The following THOC1 variants were observed in gnomAD, a reference collection of about 807,000 sequenced individuals.
THOC1 encodes the protein THO complex 1.
In THOC1, 29 loss-of-function variants were observed where a neutral mutation model predicts 97.3. The ratio of observed to expected loss-of-function variants is 0.30; its 90% CI spans 0.22 to 0.41. The LOEUF is 0.41. THOC1 is among the 10% of genes least tolerant of loss of function. The pLI is 1.00. For missense variants in THOC1, 529 were observed against 761.9 expected (o/e 0.69, Z 3.60); for synonymous variants, 255 against 257.0 (o/e 0.99, Z 0.07).
At position 224,196 on chromosome 18, in the gene THOC1, A is replaced by G. The variant is rs774799203; in HGVS notation, c.1209-17T>C. On this transcript the variant is annotated splice_polypyrimidine_tract_variant and intron_variant, in intron 15 of 20. Transcript: ENST00000261600. The stretch of plus-strand genomic sequence containing the variant: ...TCTGATGTTCTGTCGTGAACAAAAC[A>G]TACACTATTTTTTGAATTACAAATG... 6.5e-7 allele frequency: 1 copy of G among 1,530,340 alleles called. No homozygotes were observed. The highest frequency in any genetic ancestry group is 1.2e-5 in the South Asian group (1 of 85,340). 94.8% of individuals were successfully genotyped at this position (1,530,340 alleles called of 1,614,324 possible).
chr18:265,296 T>C lies in THOC1; in HGVS notation c.189+7A>G. The C allele has an allele frequency of 6.3e-7, 1 of 1,578,592 alleles. No individual in the cohort carries two copies. The highest frequency in any genetic ancestry group is 1.4e-5 in the African/African-American group (1 of 73,122). On this transcript the variant is annotated splice_region_variant and intron_variant, in intron 3 of 20. Coordinates refer to ENST00000261600, the MANE Select transcript of THOC1 (RefSeq NM_005131.3). Reference sequence around the variant, plus strand: ...GTAAAATTTTAACAATGGAAAAACATACTTACAATTTCTTCTTCTAGAATA... The same window carrying C: ...GTAAAATTTTAACAATGGAAAAACACACTTACAATTTCTTCTTCTAGAATA...
At chr18:223,852 A>C (rs1398713609) in intron 16 of THOC1, among the ~76,000 whole-genome samples, 1 of 152,172 alleles carries the variant, frequency 6.6e-6, no homozygotes, top group Non-Finnish European at 1.5e-5. Flanking sequence ...TCTGAAACGG[A>C]AAAAATGGCA....
chr18:241,291 C>A (rs1439581642), intron 11 of THOC1, among the ~76,000 whole-genome samples: 1 of 152,158 alleles, frequency 6.6e-6, no homozygotes, highest in Non-Finnish European at 1.5e-5. Context: ...TTAGCCGTTA[C>A]TACATAAAGA....
intron 3 of THOC1, among the ~76,000 whole-genome samples, chr18:264,782 A>C (rs1334240441): frequency 6.6e-6 from 1 of 152,186 alleles, no homozygotes; most frequent in Non-Finnish European, 1.5e-5. Context: ...ACCAAGAATA[A>C]ACTGTTGAAA....
At chr18:259,030 A>G (rs1482561503) in intron 7 of THOC1, 150 bp downstream of exon 7, 7 of 623,460 alleles carry the variant, frequency 1.1e-5, no homozygotes, top group Non-Finnish European at 1.4e-5. Context: ...ACTGCTATAC[A>G]TTTATAAGTA....
intron 3 of THOC1, 138 bp downstream of exon 3, chr18:265,165 C>T: frequency 4.4e-6 from 3 of 681,498 alleles, no homozygotes; most frequent in Middle Eastern, 8.4e-4. Context: ...GTATAGTCAT[C>T]AAGTCAACTT....
chr18:267,008 CGT>C (rs200382354), intron 1 of THOC1, among the ~76,000 whole-genome samples: 23,913 of 114,298 alleles, frequency 0.21, 2,231 homozygotes, highest in African/African-American at 0.3. Flanking sequence ...TATACGTATA[CGT>C]ATATATATGT....
intron 5 of THOC1, 40 bp from the exon 6 acceptor site, chr18:259,770 T>G (rs1912545225): frequency 6.9e-7 from 1 of 1,440,110 alleles, no homozygotes; most frequent in African/African-American, 1.4e-5. Context: ...CTTCAGAACT[T>G]GTTACACATT....
In THOC1 at chr18:215,454, A is replaced by G; in HGVS notation, c.1653T>C (p.Asn551=). The change falls in exon 20 of 21, where the codon AAT becomes AAC. Residue 551 remains asparagine (N), a synonymous_variant. Transcript: ENST00000261600. ...TTTCATTTTCCTTCAGTAGAGCATCATTATCTTCCTCATCTTCATCCTCAC... is the reference window on the plus strand; with the variant it reads ...TTTCATTTTCCTTCAGTAGAGCATCGTTATCTTCCTCATCTTCATCCTCAC... The part of the protein sequence containing the change: ...KTGEDEDEED[N]DALLKENESP... The G allele has an allele frequency of 6.2e-7, 1 of 1,613,712 alleles. No homozygotes were observed. The highest frequency in any genetic ancestry group is 8.5e-7 in the Non-Finnish European group (1 of 1,179,692).
chr18:223,391 C>G, intron 17 of THOC1, 49 bp downstream of exon 17: 7 of 1,447,664 alleles, frequency 4.8e-6, no homozygotes, highest in Non-Finnish European at 6.6e-6. Flanking sequence ...CTCCATTCTA[C>G]TCAACACTTG....
chr18:241,563 A>G (rs1911902323), intron 11 of THOC1, among the ~76,000 whole-genome samples: 1 of 152,318 alleles, frequency 6.6e-6, no homozygotes, highest in South Asian at 2.1e-4. Flanking sequence ...TGAGTATTCC[A>G]TCTGATCATT....
At position 220,312 on chromosome 18, in the gene THOC1, T is replaced by G. The variant is rs534889445; in HGVS notation, c.1371-1343A>C. On this transcript the variant is annotated intron_variant, in intron 17 of 20. Coordinates refer to ENST00000261600, the MANE Select transcript of THOC1 (RefSeq NM_005131.3). ...CAGTACACACATATATGCAAGTATA[T>G]GTACAGATATATATAAGTAAAGCTA... 7.2e-5 allele frequency among the ~76,000 whole-genome samples: 11 copies of G among 152,344 alleles called. No individual in the cohort carries two copies. The East Asian group carries it at 1.2e-3, about 16-fold the overall frequency.
intron 18 of THOC1, among the ~76,000 whole-genome samples, chr18:217,192 T>G (rs1349777261): frequency 6.6e-6 from 1 of 152,230 alleles, no homozygotes; most frequent in East Asian, 1.9e-4. Context: ...CAATTTGGTT[T>G]ATTTGGTCAC....
At chr18:215,684 G>C in intron 19 of THOC1, 180 bp from the exon 20 acceptor site, 1 of 551,598 alleles carries the variant, frequency 1.8e-6, no homozygotes, top group Non-Finnish European at 3.2e-6. Context: ...TTCACCTGCA[G>C]AAGGAGTGAA....
chr18:263,374 C>T (rs141012193), intron 4 of THOC1: 154 of 152,634 alleles, frequency 1.0e-3, no homozygotes, highest in Non-Finnish European at 1.5e-3. Context: ...CCACCGCGCC[C>T]GGCCTGCAGC....
intron 17 of THOC1, 59 bp downstream of exon 17, chr18:223,381 C>T (rs1336360321): frequency 1.5e-6 from 2 of 1,339,218 alleles, no homozygotes; most frequent in Non-Finnish European, 2.1e-6. Context: ...TGAGAAAAGG[C>T]TCCATTCTAC....
At chr18:221,574 A>C (rs1391044433) in intron 17 of THOC1, among the ~76,000 whole-genome samples, 2 of 150,742 alleles carry the variant, frequency 1.3e-5, no homozygotes, top group Non-Finnish European at 3.0e-5. Flanking sequence ...CTTTATTTTT[A>C]AGGTATATTT....
chr18:243,943 T>G (rs577256673), intron 11 of THOC1, among the ~76,000 whole-genome samples: 26 of 152,294 alleles, frequency 1.7e-4, no homozygotes, highest in African/African-American at 6.0e-4. Context: ...TCCTCCTTTC[T>G]CTTCCTTTTT....
intron 11 of THOC1, among the ~76,000 whole-genome samples, chr18:244,075 G>C (rs962377792): frequency 1.3e-5 from 2 of 152,002 alleles, no homozygotes; most frequent in African/African-American, 2.4e-5. Flanking sequence ...TACATGAAAA[G>C]GAATATTCAG....
Sources: gnomAD v4.1 joint callset for allele counts (sites outside exome capture counted in the v4.1 genomes callset) on GRCh38, gnomAD v4.1.1 for gene constraint, MANE v1.5 for transcripts, NCBI Gene and HGNC (gene_info 2026-07-23, HGNC 2026-07-21) for gene names.